GAGE10: variants seen among roughly 807,000 people sequenced by gnomAD.
The protein encoded by GAGE10 is G antigen 10.
A neutral mutation model predicts 11.5 loss-of-function variants in GAGE10; 9 were observed. That is an observed-to-expected ratio of 0.78 (90% CI 0.47 to 1.37). GAGE10 has a LOEUF of 1.37. Among genes scored for constraint, GAGE10 ranks in the 40% most tolerant of loss-of-function variants. The pLI is 0.00. For synonymous variants in GAGE10, 23 were observed against 29.7 expected (o/e 0.77, Z 0.73); for missense variants, 83 against 92.9 (o/e 0.89, Z 0.44).
At chrX:49,316,342 C>A (rs2066391448) in intron 3 of GAGE10, among the ~76,000 whole-genome samples, 1 of 111,956 alleles carries the variant, frequency 8.9e-6, no homozygotes, top group Admixed American at 9.5e-5. Flanking sequence ...TGAATAACTG[C>A]CTTTGTTTCT....
chrX:49,313,697 C>T (rs1187604071), intron 3 of GAGE10, among the ~76,000 whole-genome samples: 1 of 111,974 alleles, frequency 8.9e-6, no homozygotes, highest in Non-Finnish European at 1.9e-5. Context: ...GTTAAAGTTG[C>T]AGGTGTCACA....
intron 4 of GAGE10, among the ~76,000 whole-genome samples, chrX:49,317,625 T>A (rs2015487): frequency 9.1e-6 from 1 of 110,323 alleles, no homozygotes; most frequent in African/African-American, 3.3e-5. Flanking sequence ...CAGGATTACA[T>A]GCGAGAGCCA....
intron 3 of GAGE10, among the ~76,000 whole-genome samples, chrX:49,308,437 A>G (rs2066364788): frequency 8.9e-6 from 1 of 112,114 alleles, no homozygotes; most frequent in Non-Finnish European, 1.9e-5. Flanking sequence ...AGCTGGCTGC[A>G]CAACGGAACT....
chrX:49,309,883 T>G (rs1268166588), intron 3 of GAGE10, among the ~76,000 whole-genome samples: 1 of 112,176 alleles, frequency 8.9e-6, no homozygotes, highest in African/African-American at 3.2e-5. Context: ...GGTCTGGCCA[T>G]GCCGAAGTTA....
intron 3 of GAGE10, among the ~76,000 whole-genome samples, chrX:49,314,061 G>A (rs1423527965): frequency 8.9e-6 from 1 of 112,264 alleles, no homozygotes; most frequent in Non-Finnish European, 1.9e-5. Flanking sequence ...TACTGCAAAT[G>A]CTGCAAATGT....
chrX:49,317,690 T>G (rs2066399402), intron 4 of GAGE10, among the ~76,000 whole-genome samples: 1 of 111,831 alleles, frequency 8.9e-6, no homozygotes. Flanking sequence ...ATACTGCCTC[T>G]TTAGTAAGAG....
chrX:49,308,968 A>T (rs1167438665), intron 3 of GAGE10, among the ~76,000 whole-genome samples: 1 of 112,326 alleles, frequency 8.9e-6, no homozygotes, highest in Non-Finnish European at 1.9e-5. Context: ...GGGAGAGGCC[A>T]ATGCGGGGAG....
chrX:49,317,543 T>G (rs188284351), intron 4 of GAGE10, among the ~76,000 whole-genome samples: 3 of 111,363 alleles, frequency 2.7e-5, no homozygotes, highest in Non-Finnish European at 5.6e-5. Context: ...AGACAGGGTT[T>G]CATTATGTTG....
chrX:49,306,735 A>G (rs781933035), intron 3 of GAGE10, among the ~76,000 whole-genome samples: 1 of 112,003 alleles, frequency 8.9e-6, no homozygotes, highest in East Asian at 2.8e-4. Context: ...GTGCACGCAT[A>G]GTCCCAGCTA....
chrX:49,317,264 G>A lies in GAGE10; in HGVS notation c.304G>A (p.Glu102Lys), dbSNP rs1261028304. ...DGQEMGLPNPEEVKRPEEGEK... is the reference protein window; with the variant it reads ...DGQEMGLPNPKEVKRPEEGEK... Reference sequence around the variant, plus strand: ...CCAGGAGATGGGCCTGCCAAATCCAGAGGAGGTGAAAAGGCCTGAAGAAGG... The same window carrying A: ...CCAGGAGATGGGCCTGCCAAATCCAAAGGAGGTGAAAAGGCCTGAAGAAGG... Residue 102 changes from glutamate (E) to lysine (K), a missense_variant, in exon 4 of 5, where the codon GAG becomes AAG. Around this residue, in one of 3 missense-constraint regions of GAGE10, gnomAD observed 66 missense variants for 35.4 expected, o/e 1.87. Coordinates refer to ENST00000407599, the MANE Select transcript of GAGE10 (RefSeq NM_001098413.4). The A allele has an allele frequency of 1.5e-5, 18 of 1,205,552 alleles. No homozygotes were observed. The highest frequency in any genetic ancestry group is 8.8e-5 in the South Asian group (5 of 56,716).
chrX:49,306,142 A>G (rs1199355181), intron 3 of GAGE10, among the ~76,000 whole-genome samples: 1 of 112,406 alleles, frequency 8.9e-6, no homozygotes, highest in African/African-American at 3.2e-5. Context: ...TATGGTTAGA[A>G]AAAGCAAAAA....
intron 3 of GAGE10, among the ~76,000 whole-genome samples, chrX:49,314,640 C>T (rs1387163368): frequency 1.8e-5 from 2 of 112,350 alleles, no homozygotes; most frequent in Non-Finnish European, 3.8e-5. Context: ...GACTCAAATG[C>T]GTCCAACCCC....
chrX:49,308,374 G>A (rs1261560469), intron 3 of GAGE10, among the ~76,000 whole-genome samples: 4 of 112,404 alleles, frequency 3.6e-5, no homozygotes, highest in African/African-American at 6.5e-5. Flanking sequence ...AAGGCGTGCC[G>A]TAGGGGAGCT....
At chrX:49,310,179 C>T (rs1557124563) in intron 3 of GAGE10, among the ~76,000 whole-genome samples, 1 of 111,349 alleles carries the variant, frequency 9.0e-6, no homozygotes, top group African/African-American at 3.3e-5. Flanking sequence ...AAGTCAGGGC[C>T]AAGGAGATAT....
At chrX:49,306,869 G>T (rs1355068636) in intron 3 of GAGE10, among the ~76,000 whole-genome samples, 3 of 111,332 alleles carry the variant, frequency 2.7e-5, no homozygotes, top group African/African-American at 9.8e-5. Flanking sequence ...ATAACTAAAG[G>T]TTTCATGGTA....
At chrX:49,314,433 T>C (rs1307127671) in intron 3 of GAGE10, among the ~76,000 whole-genome samples, 1 of 112,453 alleles carries the variant, frequency 8.9e-6, no homozygotes, top group African/African-American at 3.2e-5. Context: ...CTAACACTTA[T>C]ATTCAGGAAG....
chrX:49,304,095 G>T (rs1203909641), intron 1 of GAGE10, among the ~76,000 whole-genome samples: 2 of 111,849 alleles, frequency 1.8e-5, no homozygotes, highest in African/African-American at 6.5e-5. Context: ...AAGTCCGGAG[G>T]TGCCAGGAAT....
chrX:49,317,027 A>G, intron 3 of GAGE10, 136 bp from the exon 4 acceptor site: 7 of 841,897 alleles, frequency 8.3e-6, no homozygotes, highest in Non-Finnish European at 1.1e-5. Flanking sequence ...AATAATGTTC[A>G]TGGGATTCTT....
chrX:49,316,285 C>T (rs1557125208), intron 3 of GAGE10, among the ~76,000 whole-genome samples: 1 of 111,977 alleles, frequency 8.9e-6, no homozygotes. Flanking sequence ...AGTCGCAAAA[C>T]ATGTTGTTCC....
Sources: gnomAD v4.1 joint callset for allele counts (sites outside exome capture counted in the v4.1 genomes callset) on GRCh38, gnomAD v4.1.1 for gene constraint, gnomAD v4.1.1 regional missense constraint, MANE v1.5 for transcripts, NCBI Gene and HGNC (gene_info 2026-07-23, HGNC 2026-07-21) for gene names.